Variants in CAPZB observed in about 807,000 individuals in gnomAD.
CAPZB encodes F-actin-capping protein subunit beta.
Under a neutral mutation model 38.1 loss-of-function variants are expected in CAPZB, and 2 were observed. The observed-to-expected ratio is 0.05, with a 90% CI of 0.02 to 0.17. CAPZB has a LOEUF of 0.17. CAPZB is among the 10% of genes least tolerant of loss of function. The pLI is 1.00. For missense variants in CAPZB, 161 were observed against 334.2 expected (o/e 0.48, Z 4.04); for synonymous variants, 107 against 127.4 (o/e 0.84, Z 1.08).
intron 1 of CAPZB, among the ~76,000 whole-genome samples, chr1:19,446,584 G>T (rs1359183011): frequency 6.6e-6 from 1 of 151,662 alleles, no homozygotes; most frequent in South Asian, 2.1e-4. Context: ...CACTCAAGCT[G>T]ATGAACAAAG....
intron 2 of CAPZB, among the ~76,000 whole-genome samples, chr1:19,404,494 A>G (rs1481848582): frequency 6.7e-6 from 1 of 149,988 alleles, no homozygotes; most frequent in African/African-American, 2.5e-5. Context: ...CAGTGAGACG[A>G]GATCACGCCA....
intron 1 of CAPZB, among the ~76,000 whole-genome samples, chr1:19,463,775 T>C (rs2094559987): frequency 1.3e-5 from 2 of 152,166 alleles, no homozygotes; most frequent in Non-Finnish European, 2.9e-5. Context: ...CATCTGGAGG[T>C]GAGGCCCTTT....
intron 1 of CAPZB, among the ~76,000 whole-genome samples, chr1:19,446,417 GA>G (rs1408437542): frequency 6.6e-6 from 1 of 152,192 alleles, no homozygotes; most frequent in Non-Finnish European, 1.5e-5. Flanking sequence ...GGAAGATTAT[GA>G]ACTACATAAA....
At chr1:19,393,777 T>C (rs1396506825) in intron 2 of CAPZB, among the ~76,000 whole-genome samples, 1 of 152,242 alleles carries the variant, frequency 6.6e-6, no homozygotes, top group Non-Finnish European at 1.5e-5. Context: ...TGGGCTCTCC[T>C]GCCCCTCACC....
At chr1:19,443,449 T>C (rs17399520) in intron 1 of CAPZB, among the ~76,000 whole-genome samples, 26,420 of 151,868 alleles carry the variant, frequency 0.17, 2,637 homozygotes, top group South Asian at 0.29. Flanking sequence ...AATAAGACAC[T>C]GTATAATATT....
At chr1:19,369,069 T>G (rs2094106575) in intron 4 of CAPZB, among the ~76,000 whole-genome samples, 1 of 152,236 alleles carries the variant, frequency 6.6e-6, no homozygotes, top group African/African-American at 2.4e-5. Flanking sequence ...GAGTCCCTGA[T>G]GCTGACGTGG....
At chr1:19,404,543 TAAAAA>T (rs11356951) in intron 2 of CAPZB, among the ~76,000 whole-genome samples, 6 of 128,070 alleles carry the variant, frequency 4.7e-5, no homozygotes, top group East Asian at 4.7e-4. Context: ...AACTCCATGT[TAAAAA>T]AAAAAAAAAA....
At chr1:19,474,721 AAC>A (rs2094601008) in intron 1 of CAPZB, among the ~76,000 whole-genome samples, 1 of 152,154 alleles carries the variant, frequency 6.6e-6, no homozygotes, top group Non-Finnish European at 1.5e-5. Flanking sequence ...CCAGAAAATA[AAC>A]ACAGTACCTG....
At chr1:19,436,437 G>A (rs1162637113) in intron 1 of CAPZB, among the ~76,000 whole-genome samples, 5 of 152,146 alleles carry the variant, frequency 3.3e-5, no homozygotes, top group South Asian at 2.1e-4. Context: ...CAGATATGCC[G>A]AAGTGAAGAC....
At chr1:19,384,315 A>G (rs889014469) in intron 3 of CAPZB, among the ~76,000 whole-genome samples, 1 of 151,930 alleles carries the variant, frequency 6.6e-6, no homozygotes, top group East Asian at 1.9e-4. Flanking sequence ...CTCATCACCC[A>G]GGGCCTCAGC....
chr1:19,404,923 G>A (rs527831341), intron 2 of CAPZB, among the ~76,000 whole-genome samples: 1 of 152,260 alleles, frequency 6.6e-6, no homozygotes, highest in African/African-American at 2.4e-5. Flanking sequence ...CACAGATGAG[G>A]AAACTGAGGC....
chr1:19,398,897 A>G (rs2094288079), intron 2 of CAPZB, among the ~76,000 whole-genome samples: 1 of 142,806 alleles, frequency 7.0e-6, no homozygotes, highest in African/African-American at 2.6e-5. Context: ...TTTTTTTGTC[A>G]CCCAGGCTGC....
At chr1:19,367,428 C>T (rs2094095458) in intron 4 of CAPZB, among the ~76,000 whole-genome samples, 1 of 152,224 alleles carries the variant, frequency 6.6e-6, no homozygotes, top group Admixed American at 6.5e-5. Flanking sequence ...CTGGAAGTGT[C>T]CGTCAGAAAC....
chr1:19,418,136 C>CAAAAAAAAAAAAAAAAAAA (rs59390448), intron 2 of CAPZB, among the ~76,000 whole-genome samples: 1 of 35,298 alleles, frequency 2.8e-5, no homozygotes, highest in African/African-American at 1.0e-4. Context: ...ACTCTGTCAC[C>CAAAAAAAAAAAAAAAAAAA]AAAAAAAAAA....
intron 2 of CAPZB, among the ~76,000 whole-genome samples, chr1:19,407,784 G>C (rs1040082552): frequency 6.6e-6 from 1 of 152,132 alleles, no homozygotes; most frequent in Non-Finnish European, 1.5e-5. Flanking sequence ...AATGATAACC[G>C]GGGTCAGCTC....
intron 4 of CAPZB, among the ~76,000 whole-genome samples, chr1:19,375,997 G>A (rs1039959548): frequency 5.3e-5 from 8 of 152,228 alleles, no homozygotes; most frequent in Non-Finnish European, 1.0e-4. Flanking sequence ...GATGAGATGG[G>A]AAGGGAGAAC....
intron 2 of CAPZB, among the ~76,000 whole-genome samples, chr1:19,419,036 T>C (rs2094391380): frequency 1.3e-5 from 2 of 152,362 alleles, no homozygotes; most frequent in East Asian, 1.9e-4. Context: ...ATATTTCCTA[T>C]GGCTTTATAG....
At chr1:19,463,344 A>G (rs1178156483) in intron 1 of CAPZB, among the ~76,000 whole-genome samples, 1 of 152,188 alleles carries the variant, frequency 6.6e-6, no homozygotes, top group Admixed American at 6.5e-5. Flanking sequence ...CAGTTCGGCA[A>G]CCGCTGGCCA....
intron 2 of CAPZB, among the ~76,000 whole-genome samples, chr1:19,398,448 T>C (rs929743224): frequency 6.6e-6 from 1 of 152,198 alleles, no homozygotes; most frequent in Non-Finnish European, 1.5e-5. Flanking sequence ...TAAACCTCCA[T>C]GACCTACCAT....
Sources: gnomAD v4.1 joint callset for allele counts (sites outside exome capture counted in the v4.1 genomes callset) on GRCh38, gnomAD v4.1.1 for gene constraint, MANE v1.5 for transcripts, NCBI Gene and HGNC (gene_info 2026-07-23, HGNC 2026-07-21) for gene names.